Variants in KLHL18 observed in about 807,000 individuals in gnomAD.
KLHL18 encodes the protein kelch-like protein 18.
Under a neutral mutation model 58.5 loss-of-function variants are expected in KLHL18, and 38 were observed. The observed-to-expected ratio is 0.65, with a 90% CI of 0.50 to 0.85. The LOEUF (loss-of-function observed/expected upper bound fraction) is 0.85, where lower values mean the gene tolerates loss of function less well. Ranked by LOEUF, KLHL18 falls within the 40% of genes least tolerant of loss-of-function variation. The probability of loss-of-function intolerance (pLI) is 0.00; values close to 1 mark genes in which losing one functional copy is unlikely to be tolerated. For synonymous variants in KLHL18, 303 were observed against 301.9 expected, an observed-to-expected ratio of 1.00 and a Z score of -0.04; for missense variants, 624 against 778.4, an observed-to-expected ratio of 0.80 and a Z score of 2.36.
At chr3:47,331,962 C>T (rs75659918) in intron 4 of KLHL18, among the ~76,000 whole-genome samples, 1 of 152,156 alleles carries the variant, frequency 6.6e-6, no homozygotes. Flanking sequence ...CTGGGGCACA[C>T]GCCCAGGGAC....
intron 1 of KLHL18, among the ~76,000 whole-genome samples, chr3:47,318,084 T>G (rs1703497137): frequency 6.6e-6 from 1 of 152,128 alleles, no homozygotes; most frequent in South Asian, 2.1e-4. Context: ...GCTCTCAAAC[T>G]CCTGATCCAC....
At chr3:47,330,753 C>A (rs948451370) in intron 4 of KLHL18, among the ~76,000 whole-genome samples, 3 of 151,964 alleles carry the variant, frequency 2.0e-5, no homozygotes, top group African/African-American at 7.3e-5. Context: ...TTTTTTGAGT[C>A]AGAGTCTCAT....
intron 1 of KLHL18, among the ~76,000 whole-genome samples, chr3:47,309,784 G>C (rs1019598253): frequency 6.6e-6 from 1 of 152,338 alleles, no homozygotes; most frequent in East Asian, 1.9e-4. Flanking sequence ...GATCACTCGC[G>C]GTTAGGAGCT....
intron 4 of KLHL18, among the ~76,000 whole-genome samples, chr3:47,330,509 A>G (rs1156384946): frequency 8.5e-5 from 13 of 152,142 alleles, no homozygotes; most frequent in African/African-American, 3.1e-4. Context: ...CATGTTGCCC[A>G]GGCTAGTCTT....
chr3:47,305,749 T>G (rs756826918), intron 1 of KLHL18, among the ~76,000 whole-genome samples: 1 of 152,164 alleles, frequency 6.6e-6, no homozygotes. Flanking sequence ...AGATTTCTTT[T>G]TCAAGCATTT....
At position 47,334,705 on chromosome 3, in the gene KLHL18, G is replaced by A; in HGVS notation, c.784G>A (p.Asp262Asn). Reference protein sequence around the residue: ...KCRDLVDEAKDYHLMPERRPH... With the variant: ...KCRDLVDEAKNYHLMPERRPH... ...TAGGGACCTGGTAGACGAAGCAAAGGACTACCACCTCATGCCAGAGCGCCG... is the reference window on the plus strand; with the variant it reads ...TAGGGACCTGGTAGACGAAGCAAAGAACTACCACCTCATGCCAGAGCGCCG... The change falls in exon 6 of 10, where the codon GAC (aspartate) becomes AAC (asparagine). Residue 262 changes from aspartate to asparagine, a missense_variant. By Grantham distance (23) the Asp-to-Asn change is conservative. Transcript: ENST00000232766. The surrounding 1 kb of genome is among the most constrained non-coding windows in gnomAD (Gnocchi z 4.7). 1 of 1,614,112 alleles carries A rather than the reference G, an allele frequency of 6.2e-7. No homozygotes were observed. Among genetic ancestry groups the A allele is most frequent in the South Asian group, 1.1e-5 (1 of 91,078 alleles).
chr3:47,289,044 T>G (rs1413094714), intron 1 of KLHL18, among the ~76,000 whole-genome samples: 1 of 152,226 alleles, frequency 6.6e-6, no homozygotes, highest in Non-Finnish European at 1.5e-5. Context: ...TTTTATATAT[T>G]TATTTTTTCC....
intron 8 of KLHL18, among the ~76,000 whole-genome samples, chr3:47,341,384 G>T (rs938916785): frequency 6.6e-6 from 1 of 152,156 alleles, no homozygotes; most frequent in Non-Finnish European, 1.5e-5. Context: ...CAGCAAGCTG[G>T]GTGTCTGAGA....
chr3:47,317,930 A>G lies in KLHL18; in HGVS notation c.130-1723A>G, dbSNP rs1262189543. ...CCATCCCAGGCAGGAGTGCAGTGGC[A>G]CGATCTTGGCTCACTGCAGCCTCTG... On this transcript the variant is annotated intron_variant, in intron 1 of 9. Coordinates refer to ENST00000232766, the MANE Select transcript of KLHL18 (RefSeq NM_025010.5). Among the ~76,000 whole-genome samples the G allele has an allele frequency of 3.9e-5, 6 of 152,182 alleles. 1 individual carries two copies. Among genetic ancestry groups the G allele is most frequent in the Admixed American group, 3.9e-4 (6 of 15,278 alleles).
At chr3:47,305,881 G>A (rs1413636771) in intron 1 of KLHL18, among the ~76,000 whole-genome samples, 1 of 152,058 alleles carries the variant, frequency 6.6e-6, no homozygotes, top group African/African-American at 2.4e-5. Flanking sequence ...TATGTGTAGA[G>A]TTGTTCATAG....
chr3:47,325,497 G>A (rs1022475831), intron 3 of KLHL18, among the ~76,000 whole-genome samples: 19 of 152,020 alleles, frequency 1.2e-4, no homozygotes, highest in African/African-American at 3.9e-4. Flanking sequence ...ACGCCCAGCC[G>A]AGGGTGCATC....
intron 1 of KLHL18, among the ~76,000 whole-genome samples, chr3:47,309,574 C>T (rs912661095): frequency 3.3e-5 from 5 of 151,450 alleles, no homozygotes; most frequent in Admixed American, 3.3e-4. Context: ...CAGGCAGAGA[C>T]GCTCCTCACT....
intron 6 of KLHL18, among the ~76,000 whole-genome samples, chr3:47,335,757 C>T (rs550974795): frequency 2.6e-4 from 40 of 152,318 alleles, no homozygotes; most frequent in African/African-American, 9.4e-4. Flanking sequence ...ATCTGCCCAC[C>T]TTGGCCTCCC....
At chr3:47,285,383 C>G (rs771892440) in intron 1 of KLHL18, among the ~76,000 whole-genome samples, 1 of 152,192 alleles carries the variant, frequency 6.6e-6, no homozygotes, top group Non-Finnish European at 1.5e-5. Flanking sequence ...TAAATAGAGA[C>G]TAGTGAAAAG....
intron 1 of KLHL18, among the ~76,000 whole-genome samples, chr3:47,288,891 C>T (rs990331603): frequency 2.0e-5 from 3 of 152,308 alleles, no homozygotes; most frequent in Admixed American, 6.5e-5. Context: ...TTCTTCCCAG[C>T]GTTGAGTTTC....
chr3:47,312,518 C>T (rs377039282), intron 1 of KLHL18, among the ~76,000 whole-genome samples: 50 of 152,174 alleles, frequency 3.3e-4, no homozygotes, highest in Non-Finnish European at 4.7e-4. Context: ...GTTCACATGT[C>T]TTTGCCACCT....
chr3:47,336,448 G>T, intron 6 of KLHL18, 87 bp from the exon 7 acceptor site: 1 of 1,163,496 alleles, frequency 8.6e-7, no homozygotes, highest in Non-Finnish European at 1.2e-6. Flanking sequence ...GAATTGAGTC[G>T]AATGTTCCAT....
chr3:47,301,956 C>T (rs1703035002), intron 1 of KLHL18, among the ~76,000 whole-genome samples: 1 of 152,098 alleles, frequency 6.6e-6, no homozygotes, highest in Non-Finnish European at 1.5e-5. Context: ...CTACCACTAC[C>T]ATGCCCAGCT....
chr3:47,337,180 G>A, intron 7 of KLHL18: 1 of 194,776 alleles, frequency 5.1e-6, no homozygotes, highest in Non-Finnish European at 1.1e-5. Flanking sequence ...GTTTTTCTGT[G>A]TACCTTCCTT....
Sources: gnomAD v4.1 joint callset for allele counts (sites outside exome capture counted in the v4.1 genomes callset) on GRCh38, gnomAD v4.1.1 for gene constraint, Gnocchi (gnomAD v3.1) non-coding constraint, MANE v1.5 for transcripts, NCBI Gene and HGNC (gene_info 2026-07-23, HGNC 2026-07-21) for gene names.